The following PLEKHM3 variants were observed in gnomAD, a reference collection of about 807,000 sequenced individuals.
The protein encoded by PLEKHM3 is pleckstrin homology domain-containing family M member 3.
Under a neutral mutation model 81.8 loss-of-function variants are expected in PLEKHM3, and 45 were observed. The ratio of observed to expected loss-of-function variants is 0.55; its 90% CI spans 0.43 to 0.71. PLEKHM3 has a LOEUF of 0.71. Among genes scored for constraint, PLEKHM3 ranks in the 30% least tolerant of loss-of-function variants. The pLI is 0.00. For synonymous variants in PLEKHM3, 352 were observed against 356.4 expected, an observed-to-expected ratio of 0.99 and a Z score of 0.14; for missense variants, 788 against 924.3, an observed-to-expected ratio of 0.85 and a Z score of 1.91.
At chr2:207,980,918 C>T (rs914514740) in intron 2 of PLEKHM3, among the ~76,000 whole-genome samples, 2 of 151,900 alleles carry the variant, frequency 1.3e-5, no homozygotes, top group Non-Finnish European at 2.9e-5. Context: ...CACCTGAGGT[C>T]GAGTTTGAGA....
intron 7 of PLEKHM3, among the ~76,000 whole-genome samples, chr2:207,856,730 T>G (rs2092439409): frequency 6.6e-6 from 1 of 152,206 alleles, no homozygotes; most frequent in East Asian, 1.9e-4. Flanking sequence ...CTTGGCTGCT[T>G]CCAGTTTTTA....
At chr2:207,876,282 G>T (rs1332603832) in intron 6 of PLEKHM3, among the ~76,000 whole-genome samples, 1 of 151,384 alleles carries the variant, frequency 6.6e-6, no homozygotes, top group Non-Finnish European at 1.5e-5. Flanking sequence ...TATTTAAATT[G>T]TTAAAAAAAA....
chr2:207,961,348 C>T (rs1290349766), intron 3 of PLEKHM3, among the ~76,000 whole-genome samples: 1 of 152,134 alleles, frequency 6.6e-6, no homozygotes, highest in Admixed American at 6.5e-5. Flanking sequence ...TTTGGTTCAG[C>T]CCTACATGAT....
rs573807873 is a variant in PLEKHM3, at chr2:207,913,468, T to C, written c.1887-4891A>G. ...GAAGCCAAGGAAGGAGAGAATTTCA[T>C]GAAGGAAGAAGGTGGTCAATGGCAT... On this transcript the variant is annotated intron_variant, in intron 5 of 7. Transcript: ENST00000427836. Among the ~76,000 whole-genome samples, 5 of 152,104 alleles carry C rather than the reference T, an allele frequency of 3.3e-5. No individual in the cohort carries two copies. In the East Asian group the frequency reaches 9.7e-4, roughly 29 times the overall value.
chr2:208,025,273 G>T (rs908390477), intron 1 of PLEKHM3, 116 bp downstream of exon 1: 1 of 152,270 alleles, frequency 6.6e-6, no homozygotes, highest in African/African-American at 2.4e-5. Flanking sequence ...GAGCATGCAA[G>T]AAACAGCAAA....
intron 7 of PLEKHM3, among the ~76,000 whole-genome samples, chr2:207,847,984 T>C (rs1027000171): frequency 2.0e-5 from 3 of 152,238 alleles, no homozygotes; most frequent in African/African-American, 4.8e-5. Flanking sequence ...TTAGGTGCCC[T>C]GACAGTGTTT....
At chr2:207,990,751 C>T (rs1473738970) in intron 2 of PLEKHM3, among the ~76,000 whole-genome samples, 1 of 152,048 alleles carries the variant, frequency 6.6e-6, no homozygotes, top group Admixed American at 6.6e-5. Flanking sequence ...AGATGGTATT[C>T]CACAGATATT....
chr2:207,988,968 A>G (rs1022559313), intron 2 of PLEKHM3, among the ~76,000 whole-genome samples: 1 of 151,976 alleles, frequency 6.6e-6, no homozygotes, highest in Non-Finnish European at 1.5e-5. Flanking sequence ...GCCTCTCTCA[A>G]TTTTTCACCT....
chr2:207,829,934 G>A (rs1043572060), intron 7 of PLEKHM3, among the ~76,000 whole-genome samples: 1 of 152,146 alleles, frequency 6.6e-6, no homozygotes, highest in African/African-American at 2.4e-5. Context: ...AGGACCCAGA[G>A]GGCTTAGTGA....
At chr2:207,996,514 G>C (rs1396594589) in intron 2 of PLEKHM3, among the ~76,000 whole-genome samples, 2 of 152,164 alleles carry the variant, frequency 1.3e-5, no homozygotes, top group African/African-American at 4.8e-5. Context: ...AAAGCACTAA[G>C]TTAGATACTG....
chr2:207,859,551 C>T (rs1417390403), intron 7 of PLEKHM3, among the ~76,000 whole-genome samples: 4 of 151,678 alleles, frequency 2.6e-5, no homozygotes, highest in Admixed American at 1.3e-4. Flanking sequence ...TTAGCTATTA[C>T]GAATGCTGCT....
At chr2:207,875,640 T>C (rs1270276484) in intron 6 of PLEKHM3, among the ~76,000 whole-genome samples, 1 of 152,164 alleles carries the variant, frequency 6.6e-6, no homozygotes, top group Non-Finnish European at 1.5e-5. Context: ...AGAGAAACAC[T>C]GGCCAGATTG....
At chr2:207,832,782 A>G (rs1575262643) in intron 7 of PLEKHM3, among the ~76,000 whole-genome samples, 1 of 139,434 alleles carries the variant, frequency 7.2e-6, no homozygotes, top group South Asian at 2.3e-4. Flanking sequence ...ACAGAGCGAG[A>G]CTCCCTCCCC....
intron 6 of PLEKHM3, among the ~76,000 whole-genome samples, chr2:207,898,782 G>C (rs1272176976): frequency 6.6e-6 from 1 of 152,118 alleles, no homozygotes; most frequent in Non-Finnish European, 1.5e-5. Context: ...TATGGTTTCA[G>C]CTACCTGGGA....
At position 207,836,502 on chromosome 2, in the gene PLEKHM3, A is replaced by C. The variant is rs568184592; in HGVS notation, c.2109-8006T>G. Among the ~76,000 whole-genome samples the C allele has an allele frequency of 3.9e-5, 6 of 152,290 alleles. No individual in the cohort carries two copies. The South Asian group carries it at 1.2e-3, about 32-fold the overall frequency. ...CTTATTGTAGTTATTGAAACTAGGA[A>C]AATGAACCTGCTGCAAACTAGCAGA... is the stretch of plus-strand genomic sequence containing the variant. On this transcript the variant is annotated intron_variant, in intron 7 of 7. Transcript: ENST00000427836.
At chr2:207,947,861 GA>G (rs1690187436) in intron 3 of PLEKHM3, among the ~76,000 whole-genome samples, 2 of 152,202 alleles carry the variant, frequency 1.3e-5, no homozygotes, top group Non-Finnish European at 2.9e-5. Context: ...CTCCATGAAT[GA>G]AAGTATCACA....
intron 6 of PLEKHM3, among the ~76,000 whole-genome samples, chr2:207,879,877 C>T (rs1210273725): frequency 6.6e-6 from 1 of 151,914 alleles, no homozygotes; most frequent in African/African-American, 2.4e-5. Flanking sequence ...AAAAAAATAC[C>T]CTAACATTTG....
rs181953674 is a variant in PLEKHM3 at position 208,011,245 on chromosome 2, C to T, written c.-318-9288G>A. 2.6e-3 allele frequency among the ~76,000 whole-genome samples: 396 copies of T among 152,158 alleles called. 2 individuals are homozygous for T. Among genetic ancestry groups the T allele is most frequent in the African/African-American group, 9.0e-3 (373 of 41,526 alleles). ...CAGCAATCCCACTACTAGGTATCTA[C>T]CCAAAGGAAAAGAAGTCATTATACG... On this transcript the variant is annotated intron_variant, in intron 1 of 7. Transcript: ENST00000427836.
chr2:207,826,975 G>C lies in PLEKHM3; in HGVS notation c.*1344C>G, dbSNP rs2092254906. 6.6e-6 allele frequency: 1 copy of C among 152,132 alleles called. No homozygotes were observed. The highest frequency in any genetic ancestry group is 2.4e-5 in the African/African-American group (1 of 41,420). The allele number at this position is 152,132 out of a possible 1,614,324, so 9.4% of individuals were successfully genotyped here. The stretch of plus-strand genomic sequence containing the variant: ...GTGACTGCCACGTGCTCTTCCAAGG[G>C]CACTGCAGCTGGAGAACACTACCTG... On this transcript the variant is annotated 3_prime_UTR_variant, in exon 8 of 8. Transcript: ENST00000427836.
Sources: allele counts gnomAD v4.1 joint callset (sites outside exome capture counted in the v4.1 genomes callset), GRCh38; gene constraint gnomAD v4.1.1; transcripts MANE v1.5; gene names NCBI Gene and HGNC (gene_info 2026-07-23, HGNC 2026-07-21).